Variants in PHACTR4 observed in about 807,000 individuals in gnomAD.
The protein encoded by PHACTR4 is protein phosphatase 1, regulatory subunit 124.
In PHACTR4, 51 loss-of-function variants were observed where a neutral mutation model predicts 72.7. The observed-to-expected ratio is 0.70, with a 90% CI of 0.56 to 0.89. The LOEUF (loss-of-function observed/expected upper bound fraction) is 0.89, where lower values mean the gene tolerates loss of function less well. Ranked by LOEUF, PHACTR4 falls within the 40% of genes least tolerant of loss-of-function variation. PHACTR4 has a pLI of 0.00. For synonymous variants in PHACTR4, 255 were observed against 302.5 expected (o/e 0.84, Z 1.63); for missense variants, 731 against 861.8 (o/e 0.85, Z 1.90).
intron 2 of PHACTR4, among the ~76,000 whole-genome samples, chr1:28,446,433 A>G (rs998097266): frequency 1.3e-5 from 2 of 152,342 alleles, no homozygotes; most frequent in South Asian, 2.1e-4. Context: ...GTTTAACACC[A>G]TCCACTTAGT....
chr1:28,421,079 G>C (rs1655476781), intron 2 of PHACTR4, among the ~76,000 whole-genome samples: 1 of 152,126 alleles, frequency 6.6e-6, no homozygotes, highest in South Asian at 2.1e-4. Flanking sequence ...TTTTGTACCA[G>C]TTCTACAATG....
chr1:28,426,861 T>A (rs767047107), intron 2 of PHACTR4, among the ~76,000 whole-genome samples: 12 of 152,070 alleles, frequency 7.9e-5, no homozygotes, highest in Non-Finnish European at 1.8e-4. Context: ...GTGGAAGAAT[T>A]CTGAGTGGGC....
intron 1 of PHACTR4, among the ~76,000 whole-genome samples, chr1:28,374,032 T>C (rs1157730159): frequency 6.6e-6 from 1 of 152,194 alleles, no homozygotes; most frequent in Non-Finnish European, 1.5e-5. Flanking sequence ...TTAAGGCAAA[T>C]TGATTTACAA....
At position 28,475,867 on chromosome 1, in the gene PHACTR4, C is replaced by T. The variant is rs571919445; in HGVS notation, c.1422-240C>T. On this transcript the variant is annotated intron_variant, in intron 7 of 13. Coordinates refer to ENST00000373839, the MANE Select transcript of PHACTR4 (RefSeq NM_001048183.3). ...TCAGCCTCTCAAGTAGCTGGGATTA[C>T]AGGCACCTGCCACCATGCCAGGCTA... Among the ~76,000 whole-genome samples the T allele has an allele frequency of 4.6e-5, 7 of 151,970 alleles. No individual in the cohort carries two copies. In the South Asian group the frequency reaches 1.2e-3, roughly 27 times the overall value.
At chr1:28,426,220 C>CAAA (rs34637242) in intron 2 of PHACTR4, among the ~76,000 whole-genome samples, 1 of 147,144 alleles carries the variant, frequency 6.8e-6, no homozygotes, top group African/African-American at 2.5e-5. Context: ...GAAACCTTCT[C>CAAA]AAAAAAAAAA....
intron 2 of PHACTR4, among the ~76,000 whole-genome samples, chr1:28,458,208 C>T (rs1374711642): frequency 6.6e-6 from 1 of 151,466 alleles, no homozygotes; most frequent in African/African-American, 2.4e-5. Context: ...GTATCTTAAT[C>T]ACAGCCAACT....
At chr1:28,479,997 A>G (rs1421420598) in intron 8 of PHACTR4, among the ~76,000 whole-genome samples, 5 of 152,240 alleles carry the variant, frequency 3.3e-5, no homozygotes, top group African/African-American at 4.8e-5. Context: ...CCTTTGGTCT[A>G]ATGAACTTAT....
In PHACTR4 at chr1:28,492,972, A is replaced by G. The variant is rs780838906; in HGVS notation, c.2017-43A>G. The G allele has an allele frequency of 4.3e-5, 65 of 1,527,398 alleles. 1 individual carries two copies. The highest frequency in any genetic ancestry group is 3.6e-6 in the Non-Finnish European group (4 of 1,102,690). The allele number at this position is 1,527,398 out of a possible 1,614,324, so 94.6% of individuals were successfully genotyped here. On this transcript the variant is annotated intron_variant, in intron 12 of 13. Transcript: ENST00000373839. ...AATGACAAGTTACACTGCTGTGCAA[A>G]GCAGCCAGAAGAAGCTGAAACATTT... is the stretch of plus-strand genomic sequence containing the variant.
At chr1:28,409,497 C>T (rs532188296) in intron 2 of PHACTR4, among the ~76,000 whole-genome samples, 75 of 152,114 alleles carry the variant, frequency 4.9e-4, no homozygotes, top group African/African-American at 1.7e-3. Flanking sequence ...TTAAAATACA[C>T]ATTAGCAAAA....
chr1:28,417,945 C>G (rs1222378551), intron 2 of PHACTR4, among the ~76,000 whole-genome samples: 14 of 118,802 alleles, frequency 1.2e-4, no homozygotes, highest in Admixed American at 6.8e-4. Flanking sequence ...TTGGGAGACC[C>G]TACAAAAAAA....
At chr1:28,457,342 C>A (rs989479462) in intron 2 of PHACTR4, 1 of 446,382 alleles carries the variant, frequency 2.2e-6, no homozygotes, top group South Asian at 1.6e-5. Context: ...CACCTTTAAT[C>A]CCAGTGCTTT....
intron 2 of PHACTR4, among the ~76,000 whole-genome samples, chr1:28,440,559 C>A (rs1656953357): frequency 6.6e-6 from 1 of 151,306 alleles, no homozygotes. Flanking sequence ...CTACCAGTAG[C>A]CCTAATAAAA....
intron 1 of PHACTR4, among the ~76,000 whole-genome samples, chr1:28,379,430 G>A (rs573223386): frequency 3.4e-5 from 5 of 145,764 alleles, no homozygotes; most frequent in Admixed American, 1.4e-4. Context: ...GGGCCACCAC[G>A]CCAGGCTGAT....
intron 2 of PHACTR4, among the ~76,000 whole-genome samples, chr1:28,426,430 G>A (rs1194151916): frequency 1.3e-5 from 2 of 151,950 alleles, no homozygotes; most frequent in Admixed American, 6.6e-5. Context: ...AGGCTGAGGC[G>A]GGTGGATCAC....
At position 28,382,185 on chromosome 1, in the gene PHACTR4, A is replaced by G. The variant is rs931586045; in HGVS notation, c.-39+12360A>G. On this transcript the variant is annotated intron_variant, in intron 1 of 13. Transcript: ENST00000373839. ...GCATAGTTTGCAAAAATTTTCTCCC[A>G]TTCTGTAGGTTGTTTGTTCACCCTG... Among the ~76,000 whole-genome samples, 5 of 152,284 alleles carry G rather than the reference A, an allele frequency of 3.3e-5. No individual in the cohort carries two copies. The East Asian group carries it at 7.7e-4, about 23-fold the overall frequency.
chr1:28,496,662 G>T lies in PHACTR4; in HGVS notation c.*113G>T. On this transcript the variant is annotated 3_prime_UTR_variant, in exon 14 of 14. Transcript: ENST00000373839. ...GCACAGCCAGAATTGCATCCTCTGG[G>T]ATCTTCTGAGGTGGACAGCACTTTG... is the stretch of plus-strand genomic sequence containing the variant. 1.6e-6 allele frequency: 2 copies of T among 1,243,012 alleles called. No homozygotes were observed. The highest frequency in any genetic ancestry group is 2.3e-6 in the Non-Finnish European group (2 of 852,362). The allele number at this position is 1,243,012 out of a possible 1,614,324, so 77.0% of individuals were successfully genotyped here.
At position 28,407,434 on chromosome 1, in the gene PHACTR4, T is replaced by G. The variant is rs751715904; in HGVS notation, c.-14T>G. ...GAAACAGTATCTCACCTCCCTAAAC[T>G]GGTTAATAGTGGCATGGAAGATCCA... is the stretch of plus-strand genomic sequence containing the variant. On this transcript the variant is annotated 5_prime_UTR_variant, in exon 2 of 14. Coordinates refer to ENST00000373839, the MANE Select transcript of PHACTR4 (RefSeq NM_001048183.3). 1 of 1,604,360 alleles carries G rather than the reference T, an allele frequency of 6.2e-7. No homozygotes were observed. The highest frequency in any genetic ancestry group is 8.5e-7 in the Non-Finnish European group (1 of 1,172,246).
chr1:28,465,678 C>T lies in PHACTR4; in HGVS notation c.272-7C>T, dbSNP rs776163772. On this transcript the variant is annotated splice_region_variant and splice_polypyrimidine_tract_variant and intron_variant, in intron 4 of 13. Coordinates refer to ENST00000373839, the MANE Select transcript of PHACTR4 (RefSeq NM_001048183.3). ...TCATCACTTTGTACTCTTCTTTCAC[C>T]TTGCAGGTGGTGAGGATCCAGGAAA... 3.1e-6 allele frequency: 5 copies of T among 1,610,264 alleles called. No individual in the cohort carries two copies. Among genetic ancestry groups the T allele is most frequent in the Admixed American group, 1.7e-5 (1 of 58,862 alleles).
At chr1:28,451,284 C>T (rs535993196) in intron 2 of PHACTR4, among the ~76,000 whole-genome samples, 1 of 152,100 alleles carries the variant, frequency 6.6e-6, no homozygotes, top group Non-Finnish European at 1.5e-5. Flanking sequence ...ATTCATCTGT[C>T]AGTTTCTCTT....
Sources: gnomAD v4.1 joint callset for allele counts (sites outside exome capture counted in the v4.1 genomes callset) on GRCh38, gnomAD v4.1.1 for gene constraint, MANE v1.5 for transcripts, NCBI Gene and HGNC (gene_info 2026-07-23, HGNC 2026-07-21) for gene names.